SMC5: variants seen among roughly 807,000 people sequenced by gnomAD.
The protein encoded by SMC5 is structural maintenance of chromosomes 5, also known as structural maintenance of chromosomes protein 5.
A neutral mutation model predicts 148.3 loss-of-function variants in SMC5; 88 were observed. The ratio of observed to expected loss-of-function variants is 0.59; its 90% CI spans 0.50 to 0.71. SMC5 has a LOEUF of 0.71. SMC5 is among the 30% of genes least tolerant of loss of function. The probability of loss-of-function intolerance (pLI) is 0.00; values close to 1 mark genes in which losing one functional copy is unlikely to be tolerated. For synonymous variants in SMC5, 421 were observed against 432.8 expected (o/e 0.97, Z 0.34); for missense variants, 1,142 against 1,298.9 (o/e 0.88, Z 1.86).
intron 9 of SMC5, among the ~76,000 whole-genome samples, chr9:70,298,548 C>T (rs1259618576): frequency 6.6e-6 from 1 of 152,116 alleles, no homozygotes; most frequent in Non-Finnish European, 1.5e-5. Context: ...TTGTAACCTT[C>T]TGTTAGCTTA....
intron 11 of SMC5, among the ~76,000 whole-genome samples, chr9:70,307,800 G>A (rs1277355110): frequency 1.3e-5 from 2 of 152,074 alleles, no homozygotes; most frequent in South Asian, 2.1e-4. Context: ...CACCACGCCC[G>A]GTCAATTCAT....
chr9:70,288,947 A>T (rs1277014743), intron 8 of SMC5, among the ~76,000 whole-genome samples: 3 of 152,244 alleles, frequency 2.0e-5, no homozygotes, highest in African/African-American at 7.2e-5. Flanking sequence ...ATACACACAC[A>T]TATATACATA....
chr9:70,314,513 C>T (rs1463675476), intron 11 of SMC5, among the ~76,000 whole-genome samples: 2 of 151,884 alleles, frequency 1.3e-5, no homozygotes, highest in African/African-American at 4.8e-5. Flanking sequence ...CATTCTGTTT[C>T]ACCTGAAAAT....
chr9:70,314,917 T>C, intron 12 of SMC5, 81 bp downstream of exon 12: 1 of 922,944 alleles, frequency 1.1e-6, no homozygotes, highest in South Asian at 2.1e-5. Flanking sequence ...TATTACAAGC[T>C]GTATTATTTC....
chr9:70,298,177 T>C lies in SMC5; in HGVS notation c.1265T>C (p.Ile422Thr), dbSNP rs754335348. The C allele has an allele frequency of 6.2e-7, 1 of 1,613,906 alleles. No homozygotes were observed. Among genetic ancestry groups the C allele is most frequent in the Non-Finnish European group, 8.5e-7 (1 of 1,179,900 alleles). ...AAGGCATTATGTGAAGGCGAAATAA[T>C]TGATAAGCGAAGAGAGAGGGAAACT... ...DEKALCEGEI[I>T]DKRRERETLE... The change falls in exon 9 of 25, where the codon ATT (isoleucine) becomes ACT (threonine). Residue 422 changes from isoleucine (I) to threonine (T), a missense_variant. Physicochemically the swap from Ile to Thr is moderately conservative, Grantham distance 89. Coordinates refer to ENST00000361138, the MANE Select transcript of SMC5 (RefSeq NM_015110.4).
At chr9:70,296,586 T>A (rs2035207971) in intron 8 of SMC5, among the ~76,000 whole-genome samples, 1 of 152,016 alleles carries the variant, frequency 6.6e-6, no homozygotes, top group Non-Finnish European at 1.5e-5. Context: ...TTAAGGACAT[T>A]AAGATTATAA....
At chr9:70,281,877 T>C (rs892537274) in intron 6 of SMC5, among the ~76,000 whole-genome samples, 7 of 152,026 alleles carry the variant, frequency 4.6e-5, no homozygotes, top group Non-Finnish European at 5.9e-5. Flanking sequence ...GATGTACTTA[T>C]ATGTTTATTT....
rs754450946 is a variant in SMC5 at position 70,353,412 on chromosome 9, T to C, written c.*1081T>C. On this transcript the variant is annotated 3_prime_UTR_variant, in exon 25 of 25. Transcript: ENST00000361138. ...AAATCATTTGTTTATCTCTAAGTTA[T>C]ACTAATTAGTAGAACCAAACAAATT... The C allele has an allele frequency of 5.3e-5, 8 of 152,316 alleles. No homozygotes were observed. Among genetic ancestry groups the C allele is most frequent in the Non-Finnish European group, 7.4e-5 (5 of 67,994 alleles). The allele number at this position is 152,316 out of a possible 1,614,324, so 9.4% of individuals were successfully genotyped here.
At chr9:70,311,713 A>G (rs1441531683) in intron 11 of SMC5, 4 of 152,096 alleles carry the variant, frequency 2.6e-5, no homozygotes, top group Non-Finnish European at 4.4e-5. Context: ...AAAAAAAAAA[A>G]AAATGTTTTT....
At chr9:70,333,583 T>C (rs187512323) in intron 17 of SMC5, among the ~76,000 whole-genome samples, 2,197 of 152,160 alleles carry the variant, frequency 0.014, 21 homozygotes, top group Admixed American at 0.022. Flanking sequence ...ATACAAAAAT[T>C]AGCTGGGCAT....
intron 17 of SMC5, among the ~76,000 whole-genome samples, chr9:70,325,248 CTTTCCT>C (rs2036049117): frequency 2.0e-5 from 3 of 152,174 alleles, no homozygotes; most frequent in Non-Finnish European, 4.4e-5. Context: ...GTAATACAGA[CTTTCCT>C]ATTGCTCAAT....
chr9:70,279,838 A>T (rs77463892), intron 5 of SMC5, among the ~76,000 whole-genome samples: 5 of 150,538 alleles, frequency 3.3e-5, no homozygotes, highest in Middle Eastern at 3.5e-3. Flanking sequence ...AAAAAAAAAA[A>T]GGAAATCTGT....
chr9:70,323,806 C>G (rs1452047372), intron 16 of SMC5, among the ~76,000 whole-genome samples, 200 bp downstream of exon 16: 1 of 152,126 alleles, frequency 6.6e-6, no homozygotes, highest in Admixed American at 6.6e-5. Flanking sequence ...TAAAAGCACT[C>G]ATTAAGCTAA....
chr9:70,290,329 C>T (rs2035024469), intron 8 of SMC5, among the ~76,000 whole-genome samples: 1 of 152,090 alleles, frequency 6.6e-6, no homozygotes, highest in Non-Finnish European at 1.5e-5. Context: ...GATAGTTGGA[C>T]CATGATTTTT....
chr9:70,314,822 T>C lies in SMC5; in HGVS notation c.1659T>C (p.Ser553=). ...ATGCAGACAAAGCACCTTCAAGATC[T>C]TTGAATGAACTTAAGTAAGTCTTGA... The part of the protein sequence containing the change: ...SSYADKAPSR[S]LNELKQYGFF... Residue 553 remains serine, a synonymous_variant, in exon 12 of 25, where the codon TCT becomes TCC. Coordinates refer to ENST00000361138, the MANE Select transcript of SMC5 (RefSeq NM_015110.4). 6.5e-7 allele frequency: 1 copy of C among 1,546,426 alleles called. No individual in the cohort carries two copies. The highest frequency in any genetic ancestry group is 8.8e-7 in the Non-Finnish European group (1 of 1,140,044).
intron 1 of SMC5, among the ~76,000 whole-genome samples, chr9:70,263,018 A>G (rs984977798): frequency 1.3e-5 from 2 of 151,738 alleles, no homozygotes; most frequent in African/African-American, 4.8e-5. Context: ...TGTAATATCG[A>G]TGCGTATTTT....
chr9:70,323,873 T>A (rs1288051800), intron 16 of SMC5, 148 bp from the exon 17 acceptor site: 1 of 837,278 alleles, frequency 1.2e-6, no homozygotes, highest in East Asian at 2.9e-5. Context: ...TCTAAAAAAT[T>A]GTTACAAGAA....
intron 17 of SMC5, among the ~76,000 whole-genome samples, chr9:70,343,586 C>T (rs1297910524): frequency 6.6e-6 from 1 of 152,026 alleles, no homozygotes; most frequent in Non-Finnish European, 1.5e-5. Context: ...GAGCCCAAGG[C>T]GGATGGATCA....
intron 12 of SMC5, 61 bp from the exon 13 acceptor site, chr9:70,315,385 C>G: frequency 1.6e-6 from 2 of 1,252,936 alleles, no homozygotes; most frequent in Non-Finnish European, 2.2e-6. Flanking sequence ...GGCTTATCAA[C>G]TCCCAGATTT....
Sources: gnomAD v4.1 joint callset for allele counts (sites outside exome capture counted in the v4.1 genomes callset) on GRCh38, gnomAD v4.1.1 for gene constraint, MANE v1.5 for transcripts, NCBI Gene and HGNC (gene_info 2026-07-23, HGNC 2026-07-21) for gene names.